The following INCENP variants were observed in gnomAD, a reference collection of about 807,000 sequenced individuals.
The protein encoded by INCENP is inner centromere protein, also known as binds and activates aurora-B and -C in vivo and in vitro.
In INCENP, 43 loss-of-function variants were observed where a neutral mutation model predicts 107.3. The observed-to-expected ratio is 0.40, with a 90% confidence interval of 0.31 to 0.52. The LOEUF is 0.52. Ranked by LOEUF, INCENP falls within the 20% of genes least tolerant of loss-of-function variation. INCENP has a pLI of 0.53. For synonymous variants in INCENP, 488 were observed against 494.4 expected, an observed-to-expected ratio of 0.99 and a Z score of 0.17; for missense variants, 1,089 against 1,250.9, an observed-to-expected ratio of 0.87 and a Z score of 1.95.
At chr11:62,132,357 CTG>C (rs1248958848) in intron 4 of INCENP, among the ~76,000 whole-genome samples, 15 of 152,216 alleles carry the variant, frequency 9.9e-5, no homozygotes, top group Admixed American at 2.6e-4. Flanking sequence ...AGGGCAGGGC[CTG>C]TCAGGCAGGG....
At chr11:62,134,765 G>A (rs908623686) in intron 4 of INCENP, among the ~76,000 whole-genome samples, 1 of 152,158 alleles carries the variant, frequency 6.6e-6, no homozygotes, top group Non-Finnish European at 1.5e-5. Context: ...AGTAACTGAA[G>A]AACTGGACGG....
At chr11:62,139,044 C>A in intron 7 of INCENP, 39 bp downstream of exon 7, 1 of 1,455,414 alleles carries the variant, frequency 6.9e-7, no homozygotes, top group South Asian at 1.1e-5. Context: ...TGCCCGGAGC[C>A]ACAGCGGGCC....
At chr11:62,146,207 T>G (rs897301785) in intron 14 of INCENP, among the ~76,000 whole-genome samples, 1 of 152,186 alleles carries the variant, frequency 6.6e-6, no homozygotes, top group African/African-American at 2.4e-5. Context: ...CCAGCCAGTC[T>G]TAGGACTCTA....
At chr11:62,150,294 C>A in intron 18 of INCENP, 87 bp downstream of exon 18, 2 of 1,435,362 alleles carry the variant, frequency 1.4e-6, no homozygotes, top group South Asian at 1.2e-5. Flanking sequence ...TTGGCTGCTG[C>A]GGTGTTGGGA....
Position 62,152,920 on chromosome 11 carries a change from G to T in INCENP, c.*944G>T, listed in dbSNP as rs2134694566. ...CTGAATGCATATATCTGCTACTGTAGCCCCGGGTTGTCAAACTATGGCCTG... is the reference window on the plus strand; with the variant it reads ...CTGAATGCATATATCTGCTACTGTATCCCCGGGTTGTCAAACTATGGCCTG... On this transcript the variant is annotated 3_prime_UTR_variant, in exon 19 of 19. Coordinates refer to ENST00000394818, the MANE Select transcript of INCENP (RefSeq NM_001040694.2). 6.6e-6 allele frequency: 1 copy of T among 152,326 alleles called. No homozygotes were observed. The highest frequency in any genetic ancestry group is 1.9e-4 in the East Asian group (1 of 5,186). 9.4% of individuals were successfully genotyped at this position (152,326 alleles called of 1,614,324 possible).
intron 4 of INCENP, among the ~76,000 whole-genome samples, chr11:62,136,846 C>T (rs1019844343): frequency 6.6e-6 from 1 of 152,172 alleles, no homozygotes; most frequent in Non-Finnish European, 1.5e-5. Context: ...GCTTTTGTGC[C>T]ATCAGGGCAA....
chr11:62,144,533 G>C, intron 11 of INCENP, among the ~76,000 whole-genome samples: 1 of 152,024 alleles, frequency 6.6e-6, no homozygotes, highest in East Asian at 1.9e-4. Context: ...ATATTATAAA[G>C]CATGACAGTA....
At position 62,145,182 on chromosome 11, in the gene INCENP, C is replaced by T. The variant is rs745742196; in HGVS notation, c.1729C>T (p.Arg577Cys). 61 of 1,614,014 alleles carry T rather than the reference C, an allele frequency of 3.8e-5. No individual in the cohort carries two copies. The highest frequency in any genetic ancestry group is 4.7e-5 in the Non-Finnish European group (56 of 1,180,034). ...TATGCCCCGCAGGAAGCGTGAGGAA[C>T]GCCTCCGCAAGGTGCTGCAGGCCCG... The part of the protein sequence containing the change: ...LEEVKLKREE[R>C]LRKVLQARER... Residue 577 changes from arginine to cysteine, a missense_variant, in exon 13 of 19, where the codon CGC (arginine) becomes TGC (cysteine). Coordinates refer to ENST00000394818, the MANE Select transcript of INCENP (RefSeq NM_001040694.2).
chr11:62,129,641 T>G, intron 3 of INCENP, 141 bp from the exon 4 acceptor site: 1 of 666,066 alleles, frequency 1.5e-6, no homozygotes. Flanking sequence ...TGGCTAGAGG[T>G]GGCAGAATCT....
intron 18 of INCENP, among the ~76,000 whole-genome samples, chr11:62,150,886 G>A (rs751231499): frequency 6.6e-6 from 1 of 152,166 alleles, no homozygotes; most frequent in African/African-American, 2.4e-5. Context: ...AGGGAGGGGT[G>A]CAGACGCCCC....
chr11:62,128,446 T>C (rs1943805861), intron 2 of INCENP, 145 bp downstream of exon 2: 2 of 856,890 alleles, frequency 2.3e-6, no homozygotes, highest in Non-Finnish European at 3.6e-6. Context: ...GTGTGTGCAG[T>C]GTGCTGGGGG....
Position 62,140,652 on chromosome 11 carries a change from T to G in INCENP, c.1344-52T>G, listed in dbSNP as rs985812228. On this transcript the variant is annotated intron_variant, in intron 8 of 18. Coordinates refer to ENST00000394818, the MANE Select transcript of INCENP (RefSeq NM_001040694.2). ...CACCGGGGTGACTTTTGATGGGGTG[T>G]GGCTGGGCTGTGGCGGGCTGCCCTG... The G allele has an allele frequency of 7.5e-6, 11 of 1,464,256 alleles. No individual in the cohort carries two copies. The Middle Eastern group carries it at 1.7e-3, about 221-fold the overall frequency. The allele number at this position is 1,464,256 out of a possible 1,614,324, so 90.7% of individuals were successfully genotyped here. A position where few individuals can be genotyped will look rare whatever the true frequency, so the allele number is the denominator to read the frequency against.
rs771164752 is a variant in INCENP, at chr11:62,140,934, T to C, written c.1483T>C (p.Phe495Leu). The C allele has an allele frequency of 6.2e-7, 1 of 1,614,230 alleles. No homozygotes were observed. The highest frequency in any genetic ancestry group is 8.5e-7 in the Non-Finnish European group (1 of 1,180,038). ...ASKVVRPLRTFLHTVQRNQML... is the reference protein window; with the variant it reads ...ASKVVRPLRTLLHTVQRNQML... Reference sequence around the variant, plus strand: ...GCAGGTGGTACGGCCCCTCCGGACCTTTCTGCACACAGTGCAGAGGAACCA... The same window carrying C: ...GCAGGTGGTACGGCCCCTCCGGACCCTTCTGCACACAGTGCAGAGGAACCA... Residue 495 changes from phenylalanine (F) to leucine (L), a missense_variant, in exon 10 of 19, where the codon TTT becomes CTT. Coordinates refer to ENST00000394818, the MANE Select transcript of INCENP (RefSeq NM_001040694.2).
In INCENP at chr11:62,140,286, G is replaced by T. The variant is rs1297471721; in HGVS notation, c.1343+1G>T. ...CCAGAGAGCCACCGCAGAGTGCCAGGTTTGCATCCGGGAAGGGGTGTGTAG... is the reference window on the plus strand; with the variant it reads ...CCAGAGAGCCACCGCAGAGTGCCAGTTTTGCATCCGGGAAGGGGTGTGTAG... On this transcript the variant is annotated splice_donor_variant, in intron 8 of 18. Coordinates refer to ENST00000394818, the MANE Select transcript of INCENP (RefSeq NM_001040694.2). LOFTEE classifies it high-confidence loss of function. 6.2e-7 allele frequency: 1 copy of T among 1,613,450 alleles called. No individual in the cohort carries two copies. The highest frequency in any genetic ancestry group is 1.1e-5 in the South Asian group (1 of 91,074).
At position 62,140,932 on chromosome 11, in the gene INCENP, C is replaced by G; in HGVS notation, c.1481C>G (p.Thr494Ser). The change falls in exon 10 of 19, where the codon ACC (threonine) becomes AGC (serine). Residue 494 changes from threonine to serine, a missense_variant. By Grantham distance (58) the Thr-to-Ser change is moderately conservative. Coordinates refer to ENST00000394818, the MANE Select transcript of INCENP (RefSeq NM_001040694.2). ...CTGCAGGTGGTACGGCCCCTCCGGACCTTTCTGCACACAGTGCAGAGGAAC... is the reference window on the plus strand; with the variant it reads ...CTGCAGGTGGTACGGCCCCTCCGGAGCTTTCTGCACACAGTGCAGAGGAAC... ...PASKVVRPLR[T>S]FLHTVQRNQM... 5.6e-6 allele frequency: 9 copies of G among 1,614,242 alleles called. No homozygotes were observed. Among genetic ancestry groups the G allele is most frequent in the Non-Finnish European group, 6.8e-6 (8 of 1,180,046 alleles).
intron 1 of INCENP, among the ~76,000 whole-genome samples, chr11:62,126,808 T>C (rs1792952): frequency 0.57 from 85,958 of 152,068 alleles, 25,789 homozygotes; most frequent in Non-Finnish European, 0.67. Context: ...CTCTATATTA[T>C]TTATAACACC....
Position 62,140,694 on chromosome 11 carries a change from G to T in INCENP, c.1344-10G>T, listed in dbSNP as rs532257606. On this transcript the variant is annotated splice_polypyrimidine_tract_variant and intron_variant, in intron 8 of 18. Transcript: ENST00000394818. ...GCTGCCCTGTGATGCCGCCGCCCGC[G>T]CCTTGGCAGGAGGAAGCGCAGCTAC... is the stretch of plus-strand genomic sequence containing the variant. 9 of 1,552,866 alleles carry T rather than the reference G, an allele frequency of 5.8e-6. No individual in the cohort carries two copies. The highest frequency in any genetic ancestry group is 7.8e-6 in the Non-Finnish European group (9 of 1,149,452).
intron 14 of INCENP, among the ~76,000 whole-genome samples, chr11:62,146,185 G>T (rs1295430125): frequency 2.0e-5 from 3 of 152,106 alleles, no homozygotes; most frequent in Non-Finnish European, 4.4e-5. Context: ...AAGAGTAAGG[G>T]CCCACCTCTT....
In INCENP at chr11:62,139,860, G is replaced by A. The variant is rs560074609; in HGVS notation, c.1292-374G>A. ...CTGGGGCTGCCGCCTCGACAGGACC[G>A]TCCCGCCCTGCCTTGCCTATCATAG... On this transcript the variant is annotated intron_variant, in intron 7 of 18. Transcript: ENST00000394818. Among the ~76,000 whole-genome samples, 13 of 152,314 alleles carry A rather than the reference G, an allele frequency of 8.5e-5. No homozygotes were observed. In the South Asian group the frequency reaches 1.9e-3, roughly 22 times the overall value.
Sources: gnomAD v4.1 joint callset for allele counts (sites outside exome capture counted in the v4.1 genomes callset) on GRCh38, gnomAD v4.1.1 for gene constraint, MANE v1.5 for transcripts, NCBI Gene and HGNC (gene_info 2026-07-23, HGNC 2026-07-21) for gene names.